PUS3: variants seen among roughly 807,000 people sequenced by gnomAD.
The protein encoded by PUS3 is tRNA pseudouridine(38/39) synthase.
Under a neutral mutation model 43.3 loss-of-function variants are expected in PUS3, and 36 were observed. The observed-to-expected ratio is 0.83, with a 90% CI of 0.64 to 1.10. The LOEUF (loss-of-function observed/expected upper bound fraction) is 1.10. Ranked by LOEUF, PUS3 falls within the 50% of genes least tolerant of loss-of-function variation. PUS3 has a pLI of 0.00. For synonymous variants in PUS3, 183 were observed against 199.2 expected (o/e 0.92, Z 0.69); for missense variants, 544 against 589.9 (o/e 0.92, Z 0.81).
rs113034416 is a variant in PUS3, at chr11:125,899,841, A to G, written c.-47+3329T>C. Reference sequence around the variant, plus strand: ...GTTTCACAAAAATTTAACCTACCACATGAATACCAAGGAATTTCTCAAGAT... The same window carrying G: ...GTTTCACAAAAATTTAACCTACCACGTGAATACCAAGGAATTTCTCAAGAT... On this transcript the variant is annotated intron_variant, in intron 1 of 3. Transcript: ENST00000227474. 5 of 1,614,214 alleles carry G rather than the reference A, an allele frequency of 3.1e-6. No individual in the cohort carries two copies. In the African/African-American group the frequency reaches 4.0e-5, roughly 13 times the overall value.
chr11:125,895,809 T>A lies in PUS3; in HGVS notation c.379-20A>T. On this transcript the variant is annotated intron_variant, in intron 2 of 3. Transcript: ENST00000227474. ...GATCACCTGTGGAGTTAGACAAAGA[T>A]ACTGGGTTTTAGAGACACAAATAAT... 1 of 1,583,574 alleles carries A rather than the reference T, an allele frequency of 6.3e-7. No individual in the cohort carries two copies. Among genetic ancestry groups the A allele is most frequent in the East Asian group, 2.2e-5 (1 of 44,798 alleles).
At position 125,895,593 on chromosome 11, in the gene PUS3, T is replaced by C; in HGVS notation, c.575A>G (p.Glu192Gly). The C allele has an allele frequency of 6.2e-7, 1 of 1,614,230 alleles. No homozygotes were observed. Residue 192 changes from glutamate (E) to glycine (G), a missense_variant, in exon 3 of 4, where the codon GAG (glutamate) becomes GGG (glycine). Glu to Gly is a moderately conservative substitution (Grantham distance 98). Transcript: ENST00000227474. ...PSFSARFSCLERTYRYFFPRA... is the reference protein window; with the variant it reads ...PSFSARFSCLGRTYRYFFPRA... ...AGGGAAAAAATAGCGGTAAGTCCGCTCAAGGCAGCTGAACCTAGCACTGAA... is the reference window on the plus strand; with the variant it reads ...AGGGAAAAAATAGCGGTAAGTCCGCCCAAGGCAGCTGAACCTAGCACTGAA...
chr11:125,900,224 G>A (rs754852161), intron 1 of PUS3: 2 of 1,614,084 alleles, frequency 1.2e-6, no homozygotes, highest in Admixed American at 3.3e-5. Context: ...CCTTGCAAAT[G>A]GTGTCATACC....
rs1591502881 is a variant in PUS3, at chr11:125,896,348, G to A, written c.-46-18C>T. 3 of 1,438,650 alleles carry A rather than the reference G, an allele frequency of 2.1e-6. No homozygotes were observed. In the East Asian group the frequency reaches 6.8e-5, roughly 33 times the overall value. 89.1% of individuals were successfully genotyped at this position (1,438,650 alleles called of 1,614,324 possible). A position where few individuals can be genotyped will look rare whatever the true frequency, so the allele number is the denominator to read the frequency against. ...TGCCCTGTCTGAAAAGAGAGCAAAG[G>A]GATACAACAGTTTCAATGCTAGTTC... On this transcript the variant is annotated intron_variant, in intron 1 of 3. Transcript: ENST00000227474.
At position 125,895,988 on chromosome 11, in the gene PUS3, C is replaced by T; in HGVS notation, c.297G>A (p.Lys99=). Residue 99 remains lysine, a synonymous_variant, in exon 2 of 4, where the codon AAG becomes AAA. Coordinates refer to ENST00000227474, the MANE Select transcript of PUS3 (RefSeq NM_031307.4). ...TCTGTCTGCTTTCTACTAGTCGAGT[C>T]TTGGTTAGAGCTTCAAACAGTTTCT... The part of the protein sequence containing the change: ...IEEKLFEALT[K]TRLVESRQTS... 6.2e-7 allele frequency: 1 copy of T among 1,614,156 alleles called. No individual in the cohort carries two copies. Among genetic ancestry groups the T allele is most frequent in the Non-Finnish European group, 8.5e-7 (1 of 1,180,028 alleles).
intron 1 of PUS3, among the ~76,000 whole-genome samples, chr11:125,898,873 A>T (rs1944671844): frequency 6.6e-6 from 1 of 152,158 alleles, no homozygotes; most frequent in South Asian, 2.1e-4. Context: ...CTAGCTGAGT[A>T]ACCTTGGGCA....
At position 125,895,677 on chromosome 11, in the gene PUS3, A is replaced by C. The variant is rs1288849919; in HGVS notation, c.491T>G (p.Leu164Arg). 3.7e-6 allele frequency: 6 copies of C among 1,613,988 alleles called. No individual in the cohort carries two copies. Among genetic ancestry groups the C allele is most frequent in the Non-Finnish European group, 5.1e-6 (6 of 1,179,962 alleles). The change falls in exon 3 of 4, where the codon CTC (leucine) becomes CGC (arginine). Residue 164 changes from leucine (L) to arginine (R), a missense_variant. Leu to Arg is a moderately radical substitution (Grantham distance 102, BLOSUM62 -2). Coordinates refer to ENST00000227474, the MANE Select transcript of PUS3 (RefSeq NM_031307.4). Reference protein sequence around the residue: ...AAEEIRYTHILNRVLPPDIRI... With the variant: ...AAEEIRYTHIRNRVLPPDIRI... Reference sequence around the variant, plus strand: ...GATGTCTGGAGGGAGTACCCGATTGAGAATGTGGGTATAACGGATCTCTTC... The same window carrying C: ...GATGTCTGGAGGGAGTACCCGATTGCGAATGTGGGTATAACGGATCTCTTC...
intron 1 of PUS3, among the ~76,000 whole-genome samples, chr11:125,902,287 G>T (rs990964009): frequency 2.1e-5 from 3 of 142,022 alleles, no homozygotes; most frequent in Non-Finnish European, 4.5e-5. Flanking sequence ...AACTAAAACG[G>T]CCATCACCAG....
intron 1 of PUS3, among the ~76,000 whole-genome samples, chr11:125,901,877 G>A (rs1314624247): frequency 6.6e-6 from 1 of 152,160 alleles, no homozygotes; most frequent in Non-Finnish European, 1.5e-5. Context: ...GATGATCTCA[G>A]TACACACAGG....
Position 125,895,843 on chromosome 11 carries a change from T to A in PUS3, c.379-54A>T, listed in dbSNP as rs535319320. 1.9e-6 allele frequency: 3 copies of A among 1,583,150 alleles called. No homozygotes were observed. The Admixed American group carries it at 5.1e-5, about 27-fold the overall frequency. On this transcript the variant is annotated intron_variant, in intron 2 of 3. Transcript: ENST00000227474. Reference sequence around the variant, plus strand: ...TTAGAGACACAAATAATCTCAGTACTCAGTGTGTATACCTAGAATATCCTA... The same window carrying A: ...TTAGAGACACAAATAATCTCAGTACACAGTGTGTATACCTAGAATATCCTA...
rs1944477819 is a variant in PUS3 at position 125,893,692 on chromosome 11, G to T, written c.*93C>A. On this transcript the variant is annotated 3_prime_UTR_variant, in exon 4 of 4. Transcript: ENST00000227474. ...TTTTTCTTTTAAGAGCTGATCATCT[G>T]AATTCCTAGTACTTGCAAGTAAATT... The T allele has an allele frequency of 5.4e-5, 50 of 921,168 alleles. No individual in the cohort carries two copies. Among genetic ancestry groups the T allele is most frequent in the Non-Finnish European group, 6.9e-5 (45 of 649,438 alleles). 57.1% of individuals were successfully genotyped at this position (921,168 alleles called of 1,614,324 possible).
At chr11:125,902,717 G>A (rs1035194091) in intron 1 of PUS3, among the ~76,000 whole-genome samples, 6 of 151,820 alleles carry the variant, frequency 4.0e-5, no homozygotes, top group East Asian at 1.9e-4. Flanking sequence ...CTGTCCAAAG[G>A]ATTAGCAGAC....
At position 125,895,485 on chromosome 11, in the gene PUS3, A is replaced by G. The variant is rs1007332055; in HGVS notation, c.683T>C (p.Met228Thr). The change falls in exon 3 of 4, where the codon ATG (methionine) becomes ACG (threonine). Residue 228 changes from methionine (M) to threonine (T), a missense_variant. Transcript: ENST00000227474. ...GTHDFRNLCK[M>T]DVANGVINFQ... ...ATTAATCACACCGTTGGCTACATCC[A>G]TTTTACACAAGTTCCTGAAATCATG... 5 of 1,614,148 alleles carry G rather than the reference A, an allele frequency of 3.1e-6. No individual in the cohort carries two copies. Among genetic ancestry groups the G allele is most frequent in the South Asian group, 1.1e-5 (1 of 91,082 alleles).
chr11:125,897,336 G>A (rs531212882), intron 1 of PUS3, among the ~76,000 whole-genome samples: 5 of 152,040 alleles, frequency 3.3e-5, no homozygotes, highest in East Asian at 3.9e-4. Context: ...AGTAGGAAAG[G>A]CATTTCTAAG....
In PUS3 at chr11:125,903,184, CCG is replaced by C. The variant is rs1474287189; in HGVS notation, c.-63_-62del. The C allele has an allele frequency of 5.1e-6, 5 of 985,476 alleles. No individual in the cohort carries two copies. In the African/African-American group the frequency reaches 7.0e-5, roughly 14 times the overall value. 61.0% of individuals were successfully genotyped at this position (985,476 alleles called of 1,614,324 possible). ...CCCACACTTACTTTCCGGCAGCCGG[CCG>C]CGCCGCGTTTCCGAGAAAGGAAGCT... is the stretch of plus-strand genomic sequence containing the variant. On this transcript the variant is annotated 5_prime_UTR_variant, in exon 1 of 4. Transcript: ENST00000227474.
In PUS3 at chr11:125,895,261, G is replaced by A; in HGVS notation, c.907C>T (p.Leu303=). 6.2e-7 allele frequency: 1 copy of A among 1,604,902 alleles called. No homozygotes were observed. Among genetic ancestry groups the A allele is most frequent in the East Asian group, 2.2e-5 (1 of 44,848 alleles). Residue 303 remains leucine (L), a synonymous_variant, in exon 3 of 4, where the codon CTG becomes TTG. Coordinates refer to ENST00000227474, the MANE Select transcript of PUS3 (RefSeq NM_031307.4). ...TTTTGGGGATTTTTCTCTATATTCA[G>A]CAGCTCATCAATAATCTCTGGCTTC... ...MEKPEIIDEL[L]NIEKNPQKPQ...
rs771348153 is a variant in PUS3 at position 125,900,260 on chromosome 11, CCTT to C, written c.-47+2907_-47+2909del. On this transcript the variant is annotated intron_variant, in intron 1 of 3. Transcript: ENST00000227474. ...CAGGAAGCTTCCCTTCCCTCTTTCT[CCTT>C]CTTAAATCTTTTTAAACTTCTTTCA... 111 of 1,614,096 alleles carry C rather than the reference CCTT, an allele frequency of 6.9e-5. No individual in the cohort carries two copies. The highest frequency in any genetic ancestry group is 2.5e-4 in the East Asian group (11 of 44,892).
intron 1 of PUS3, chr11:125,900,974 G>T (rs1487691907): frequency 7.0e-6 from 1 of 143,358 alleles, no homozygotes; most frequent in East Asian, 2.0e-4. Context: ...TTGCGCCACT[G>T]CACTCCAGCC....
chr11:125,900,621 A>G, intron 1 of PUS3: 1 of 277,334 alleles, frequency 3.6e-6, no homozygotes, highest in South Asian at 4.4e-5. Flanking sequence ...CATTACACTT[A>G]CCAATTAAAG....
Sources: gnomAD v4.1 joint callset for allele counts (sites outside exome capture counted in the v4.1 genomes callset) on GRCh38, gnomAD v4.1.1 for gene constraint, MANE v1.5 for transcripts, NCBI Gene and HGNC (gene_info 2026-07-23, HGNC 2026-07-21) for gene names.